Variants in WASL observed in about 807,000 individuals in gnomAD.
WASL encodes actin nucleation-promoting factor WASL.
Under a neutral mutation model 55.5 loss-of-function variants are expected in WASL, and 20 were observed. The ratio of observed to expected loss-of-function variants is 0.36; its 90% confidence interval spans 0.25 to 0.52. The LOEUF is 0.52. Among genes scored for constraint, WASL ranks in the 20% least tolerant of loss-of-function variants. The pLI is 0.92. For synonymous variants in WASL, 249 were observed against 217.6 expected (o/e 1.14, Z -1.27); for missense variants, 504 against 622.5 (o/e 0.81, Z 2.03).
chr7:123,693,082 A>T (rs1803439580), intron 8 of WASL, among the ~76,000 whole-genome samples: 1 of 152,126 alleles, frequency 6.6e-6, no homozygotes, highest in Non-Finnish European at 1.5e-5. Flanking sequence ...ATTGGTTCTT[A>T]AAAAAATATG....
intron 5 of WASL, among the ~76,000 whole-genome samples, chr7:123,703,221 G>A (rs1214268888): frequency 6.6e-6 from 1 of 152,110 alleles, no homozygotes; most frequent in Admixed American, 6.5e-5. Flanking sequence ...TAACATAGTG[G>A]TTAAAGGGCC....
intron 10 of WASL, 142 bp from the exon 11 acceptor site, chr7:123,684,722 A>G (rs1205379364): frequency 1.3e-6 from 1 of 751,512 alleles, no homozygotes; most frequent in Non-Finnish European, 1.8e-6. Flanking sequence ...AACAGTTTAA[A>G]GTGAATCTAA....
intron 1 of WASL, among the ~76,000 whole-genome samples, chr7:123,744,870 A>G (rs1306471008): frequency 6.6e-6 from 1 of 152,156 alleles, no homozygotes; most frequent in African/African-American, 2.4e-5. Context: ...TCCCTTCATA[A>G]TACTACCAGC....
chr7:123,733,370 C>T (rs1212978176), intron 1 of WASL, among the ~76,000 whole-genome samples: 1 of 152,014 alleles, frequency 6.6e-6, no homozygotes, highest in Non-Finnish European at 1.5e-5. Flanking sequence ...CCAGGAATGA[C>T]CAATTAACAC....
At chr7:123,734,966 A>G (rs565871244) in intron 1 of WASL, among the ~76,000 whole-genome samples, 42 of 152,128 alleles carry the variant, frequency 2.8e-4, no homozygotes, top group Non-Finnish European at 4.3e-4. Flanking sequence ...TGCTCTAAAA[A>G]ATAAGATTTC....
chr7:123,692,203 A>G, intron 9 of WASL, 144 bp downstream of exon 9: 2 of 1,190,504 alleles, frequency 1.7e-6, no homozygotes, highest in East Asian at 2.6e-5. Flanking sequence ...CACTGCATGT[A>G]AAAGTATTTT....
intron 1 of WASL, among the ~76,000 whole-genome samples, chr7:123,724,616 A>G (rs1804011342): frequency 6.6e-6 from 1 of 152,198 alleles, no homozygotes; most frequent in East Asian, 1.9e-4. Context: ...ACAGTATTTT[A>G]TATGCGTTTT....
Position 123,748,904 on chromosome 7 carries a change from G to T in WASL, c.-170C>A. The stretch of plus-strand genomic sequence containing the variant: ...GAGGTCGAGGGAAGCAGGCGCTGAC[G>T]GCGAGCCACCTTCGCGCCGCGCTGA... On this transcript the variant is annotated 5_prime_UTR_variant, in exon 1 of 11. Transcript: ENST00000223023. 1.7e-6 allele frequency: 1 copy of T among 592,238 alleles called. No individual in the cohort carries two copies. Among genetic ancestry groups the T allele is most frequent in the Non-Finnish European group, 2.9e-6 (1 of 345,818 alleles). 36.7% of individuals were successfully genotyped at this position (592,238 alleles called of 1,614,324 possible).
chr7:123,694,161 A>G (rs1488104147), intron 8 of WASL, among the ~76,000 whole-genome samples: 1 of 152,138 alleles, frequency 6.6e-6, no homozygotes, highest in Non-Finnish European at 1.5e-5. Context: ...AATTTAGAGT[A>G]TTTTATCTGC....
intron 8 of WASL, among the ~76,000 whole-genome samples, 157 bp from the exon 9 acceptor site, chr7:123,693,024 T>A (rs1803438444): frequency 1.3e-5 from 2 of 152,206 alleles, no homozygotes; most frequent in Non-Finnish European, 2.9e-5. Context: ...GCACAGATGA[T>A]ATCTCACAAT....
intron 5 of WASL, among the ~76,000 whole-genome samples, chr7:123,701,005 A>G (rs1002677681): frequency 6.6e-6 from 1 of 152,206 alleles, no homozygotes; most frequent in Non-Finnish European, 1.5e-5. Flanking sequence ...ATGTTAGGAA[A>G]TAAGTTTAAA....
In WASL at chr7:123,696,590, T is replaced by C. The variant is rs1375597145; in HGVS notation, c.618A>G (p.Pro206=). ...AAGAACTGTCTTACTGGAAATTGCT[T>C]GGTGTTCCTATATCTGCCTTGGTTA... ...KRLTKADIGT[P]SNFQHIGHVG... Residue 206 remains proline, a synonymous_variant, in exon 6 of 11, where the codon CCA becomes CCG. Transcript: ENST00000223023. 2 of 1,579,478 alleles carry C rather than the reference T, an allele frequency of 1.3e-6. No individual in the cohort carries two copies. Among genetic ancestry groups the C allele is most frequent in the Non-Finnish European group, 8.6e-7 (1 of 1,165,104 alleles).
At chr7:123,719,329 C>T (rs548150014) in intron 1 of WASL, among the ~76,000 whole-genome samples, 1 of 152,306 alleles carries the variant, frequency 6.6e-6, no homozygotes, top group Non-Finnish European at 1.5e-5. Flanking sequence ...TATCCTGATC[C>T]TTTATGTCGA....
chr7:123,701,216 T>C (rs375612003), intron 5 of WASL, among the ~76,000 whole-genome samples: 10 of 152,324 alleles, frequency 6.6e-5, no homozygotes, highest in African/African-American at 2.2e-4. Flanking sequence ...AACTACTATG[T>C]AAACATATAA....
At chr7:123,690,675 T>C (rs1003098867) in intron 9 of WASL, among the ~76,000 whole-genome samples, 8 of 120,810 alleles carry the variant, frequency 6.6e-5, no homozygotes, top group Non-Finnish European at 9.1e-5. Context: ...AGAAAGTAAA[T>C]AGAAATTTAA....
chr7:123,706,190 T>C, intron 4 of WASL, 87 bp downstream of exon 4: 1 of 1,295,080 alleles, frequency 7.7e-7, no homozygotes, highest in East Asian at 2.4e-5. Context: ...TCAGTAAACT[T>C]TTATTTACAA....
At chr7:123,710,676 T>C (rs373586124) in intron 1 of WASL, among the ~76,000 whole-genome samples, 1 of 152,156 alleles carries the variant, frequency 6.6e-6, no homozygotes, top group African/African-American at 2.4e-5. Flanking sequence ...CAGTACTGAG[T>C]AGGACACAAA....
At chr7:123,734,591 T>A (rs1359741205) in intron 1 of WASL, among the ~76,000 whole-genome samples, 86 of 92,286 alleles carry the variant, frequency 9.3e-4, no homozygotes, top group South Asian at 1.2e-3. Flanking sequence ...ATAGAAAATG[T>A]AAAAAAAAAA....
chr7:123,704,658 C>A lies in WASL; in HGVS notation c.437-1G>T. On this transcript the variant is annotated splice_acceptor_variant, in intron 4 of 10. Coordinates refer to ENST00000223023, the MANE Select transcript of WASL (RefSeq NM_003941.4). LOFTEE classifies it high-confidence loss of function. ...CCATTTGGGGGATCTCGTCTTTTCTCTGTTAGAAAATAAATTAGAAGAATA... is the reference window on the plus strand; with the variant it reads ...CCATTTGGGGGATCTCGTCTTTTCTATGTTAGAAAATAAATTAGAAGAATA... 1 of 1,477,762 alleles carries A rather than the reference C, an allele frequency of 6.8e-7. No homozygotes were observed. Among genetic ancestry groups the A allele is most frequent in the South Asian group, 1.3e-5 (1 of 79,918 alleles). The allele number at this position is 1,477,762 out of a possible 1,614,324, so 91.5% of individuals were successfully genotyped here. A position where few individuals can be genotyped will look rare whatever the true frequency, so the allele number is the denominator to read the frequency against.
Sources: allele counts gnomAD v4.1 joint callset (sites outside exome capture counted in the v4.1 genomes callset), GRCh38; gene constraint gnomAD v4.1.1; transcripts MANE v1.5; gene names NCBI Gene and HGNC (gene_info 2026-07-23, HGNC 2026-07-21).